The following GHR variants were observed in gnomAD, a reference collection of about 807,000 sequenced individuals.
GHR encodes growth hormone receptor, also known as GH receptor.
A neutral mutation model predicts 67.1 loss-of-function variants in GHR; 35 were observed. The ratio of observed to expected loss-of-function variants is 0.52; its 90% CI spans 0.40 to 0.69. The LOEUF (loss-of-function observed/expected upper bound fraction) is 0.69, where lower values mean the gene tolerates loss of function less well. Among genes scored for constraint, GHR ranks in the 30% least tolerant of loss-of-function variants. The pLI, the probability that GHR is intolerant of heterozygous loss-of-function variation, is 0.00. For missense variants in GHR, 792 were observed against 764.6 expected (o/e 1.04, Z -0.42); for synonymous variants, 272 against 269.1 (o/e 1.01, Z -0.10).
chr5:42,570,587 A>G (rs1750238877), intron 2 of GHR, among the ~76,000 whole-genome samples: 1 of 152,156 alleles, frequency 6.6e-6, no homozygotes, highest in South Asian at 2.1e-4. Context: ...GGAACTTGCT[A>G]TGTTGTGCAG....
At chr5:42,649,684 C>A (rs1197083767) in intron 3 of GHR, among the ~76,000 whole-genome samples, 2 of 152,114 alleles carry the variant, frequency 1.3e-5, no homozygotes, top group Non-Finnish European at 1.5e-5. Context: ...TCTGGATAAG[C>A]AGCATCCTTC....
At chr5:42,468,174 C>T in intron 1 of GHR, 2 of 1,378,126 alleles carry the variant, frequency 1.5e-6, no homozygotes, top group Non-Finnish European at 1.0e-6. Flanking sequence ...TCTGACGAAA[C>T]TCCCCTGGGG....
At chr5:42,565,814 T>C (rs1749891547) in intron 1 of GHR, 50 bp from the exon 2 acceptor site, 1 of 1,613,652 alleles carries the variant, frequency 6.2e-7, no homozygotes, top group Non-Finnish European at 8.5e-7. Flanking sequence ...TTCATGATAA[T>C]GGTCTGCTTT....
chr5:42,566,124 G>A (rs189747731), intron 2 of GHR, among the ~76,000 whole-genome samples, 180 bp downstream of exon 2: 1 of 152,334 alleles, frequency 6.6e-6, no homozygotes, highest in Non-Finnish European at 1.5e-5. Flanking sequence ...GGATGTTTAG[G>A]AGGAATGCAG....
rs121909373 is a variant in GHR at position 42,699,888 on chromosome 5, T to G, written c.504T>G (p.His168Gln). ...TGAACGTCAGTTTAACTGGGATTCA[T>G]GCAGATATCCAAGTGAGATGGGAAG... ...TLLNVSLTGI[H>Q]ADIQVRWEAP... Residue 168 changes from histidine (H) to glutamine (Q), a missense_variant, in exon 6 of 10, where the codon CAT becomes CAG. His to Gln is a conservative substitution (Grantham distance 24, BLOSUM62 0). Coordinates refer to ENST00000230882, the MANE Select transcript of GHR (RefSeq NM_000163.5). 1.9e-6 allele frequency: 3 copies of G among 1,607,412 alleles called. No homozygotes were observed. Among genetic ancestry groups the G allele is most frequent in the Non-Finnish European group, 2.6e-6 (3 of 1,174,052 alleles).
intron 2 of GHR, among the ~76,000 whole-genome samples, chr5:42,573,425 G>A (rs1043636109): frequency 1.3e-5 from 2 of 152,118 alleles, no homozygotes; most frequent in Admixed American, 6.5e-5. Flanking sequence ...GGAGCCTGAT[G>A]TCCTGCCTAA....
intron 1 of GHR, among the ~76,000 whole-genome samples, chr5:42,534,397 C>T (rs1192793052): frequency 3.9e-4 from 42 of 108,586 alleles, no homozygotes; most frequent in South Asian, 6.0e-4. Flanking sequence ...TATATATGTA[C>T]ATGTGTATAT....
At chr5:42,625,375 C>T (rs988198527) in intron 2 of GHR, among the ~76,000 whole-genome samples, 6 of 152,086 alleles carry the variant, frequency 3.9e-5, no homozygotes, top group African/African-American at 1.4e-4. Flanking sequence ...ACTATACTCT[C>T]ATAACACAGA....
intron 3 of GHR, chr5:42,646,342 A>G (rs1410865393): frequency 2.2e-6 from 1 of 455,052 alleles, no homozygotes; most frequent in Non-Finnish European, 4.4e-6. Flanking sequence ...GATGGGGTCC[A>G]TGCTCACATA....
chr5:42,588,047 G>T (rs1751577771), intron 2 of GHR, among the ~76,000 whole-genome samples: 1 of 152,164 alleles, frequency 6.6e-6, no homozygotes, highest in Non-Finnish European at 1.5e-5. Context: ...GATTTTCAAG[G>T]TCAAATTGTA....
At chr5:42,704,798 A>G (rs1272381561) in intron 6 of GHR, among the ~76,000 whole-genome samples, 1 of 151,964 alleles carries the variant, frequency 6.6e-6, no homozygotes, top group Non-Finnish European at 1.5e-5. Context: ...TTTCTCATGC[A>G]TATAATTTTT....
intron 1 of GHR, among the ~76,000 whole-genome samples, chr5:42,523,555 A>T (rs1210056247): frequency 6.6e-6 from 1 of 152,160 alleles, no homozygotes. Flanking sequence ...CACCCATATA[A>T]GGTGGGGAAC....
At chr5:42,680,197 G>C (rs139013842) in intron 3 of GHR, among the ~76,000 whole-genome samples, 7 of 152,270 alleles carry the variant, frequency 4.6e-5, no homozygotes, top group Non-Finnish European at 1.0e-4. Context: ...ACCACAGTTG[G>C]CCTGGCCAAC....
intron 3 of GHR, among the ~76,000 whole-genome samples, chr5:42,684,196 C>T (rs961455893): frequency 4.6e-5 from 7 of 152,078 alleles, no homozygotes; most frequent in African/African-American, 7.2e-5. Context: ...ATTGTAAAAG[C>T]GAAGCTGTAA....
intron 1 of GHR, among the ~76,000 whole-genome samples, chr5:42,548,692 T>C (rs1748860777): frequency 6.6e-6 from 1 of 152,204 alleles, no homozygotes; most frequent in Admixed American, 6.5e-5. Context: ...TCTGGGTTAA[T>C]TTCTCATTGT....
At position 42,423,660 on chromosome 5, in the gene GHR, T is replaced by G. The variant is rs889991017; in HGVS notation, c.-307T>G. 1 of 147,550 alleles carries G rather than the reference T, an allele frequency of 6.8e-6. No individual in the cohort carries two copies. The highest frequency in any genetic ancestry group is 1.5e-5 in the Non-Finnish European group (1 of 67,034). 9.1% of individuals were successfully genotyped at this position (147,550 alleles called of 1,614,324 possible). A position where few individuals can be genotyped will look rare whatever the true frequency, so the allele number is the denominator to read the frequency against. ...AACGGTGGCCGCCTTTTCCCACCCC[T>G]GCCCTCCCATCCTCCCTTCCCGTTT... On this transcript the variant is annotated 5_prime_UTR_variant, in exon 1 of 10. Transcript: ENST00000230882.
intron 2 of GHR, among the ~76,000 whole-genome samples, chr5:42,624,890 C>T (rs1753624543): frequency 6.6e-6 from 1 of 152,094 alleles, no homozygotes; most frequent in Non-Finnish European, 1.5e-5. Flanking sequence ...AGTATCAAAG[C>T]AGCAAGTAGA....
At chr5:42,498,423 C>G (rs1176587456) in intron 1 of GHR, among the ~76,000 whole-genome samples, 2 of 152,160 alleles carry the variant, frequency 1.3e-5, no homozygotes, top group Non-Finnish European at 2.9e-5. Flanking sequence ...CAATTCTACC[C>G]ACATTATCTC....
chr5:42,540,996 T>C (rs1258389142), intron 1 of GHR, among the ~76,000 whole-genome samples: 1 of 152,088 alleles, frequency 6.6e-6, no homozygotes, highest in Non-Finnish European at 1.5e-5. Flanking sequence ...ACAGGAAATT[T>C]GTTCCATATT....
Sources: allele counts gnomAD v4.1 joint callset (sites outside exome capture counted in the v4.1 genomes callset), GRCh38; gene constraint gnomAD v4.1.1; transcripts MANE v1.5; gene names NCBI Gene and HGNC (gene_info 2026-07-23, HGNC 2026-07-21).